Variants in PCDHA1 observed in about 807,000 individuals in gnomAD.
PCDHA1 encodes the protein protocadherin alpha 1.
A neutral mutation model predicts 61.3 loss-of-function variants in PCDHA1; 42 were observed. That is an observed-to-expected ratio of 0.69 (90% CI 0.54 to 0.89). PCDHA1 has a LOEUF of 0.89. PCDHA1 is among the 40% of genes least tolerant of loss of function. The probability of loss-of-function intolerance (pLI) is 0.00; values close to 1 mark genes in which losing one functional copy is unlikely to be tolerated. For synonymous variants in PCDHA1, 610 were observed against 553.8 expected (o/e 1.10, Z -1.43); for missense variants, 1,256 against 1,235.3 (o/e 1.02, Z -0.25).
intron 1 of PCDHA1, chr5:140,868,993 T>C (rs1441909187): frequency 1.3e-6 from 2 of 1,515,702 alleles, no homozygotes; most frequent in Non-Finnish European, 8.8e-7. Context: ...TGCCACCGTT[T>C]AAGGATCCTT....
intron 1 of PCDHA1, among the ~76,000 whole-genome samples, chr5:140,942,347 G>T (rs2093273719): frequency 6.6e-6 from 1 of 151,956 alleles, no homozygotes; most frequent in Non-Finnish European, 1.5e-5. Flanking sequence ...GGGAGGCGGA[G>T]GTTGCAGTTA....
intron 1 of PCDHA1, chr5:140,835,697 T>G (rs2150242231): frequency 1.6e-5 from 26 of 1,613,776 alleles, no homozygotes; most frequent in African/African-American, 6.7e-5. Flanking sequence ...TGTGGGCCAC[T>G]GCTAGCGTGT....
chr5:140,923,275 CA>C (rs1328074482), intron 1 of PCDHA1, among the ~76,000 whole-genome samples: 2 of 152,128 alleles, frequency 1.3e-5, no homozygotes, highest in Admixed American at 1.3e-4. Context: ...CTTGTCTCTA[CA>C]AAAAATTAAA....
rs2095730579 is a variant in PCDHA1 at position 140,963,035 on chromosome 5, T to C, written c.2395-15914T>C. Among the ~76,000 whole-genome samples, 3 of 152,330 alleles carry C rather than the reference T, an allele frequency of 2.0e-5. No individual in the cohort carries two copies. The South Asian group carries it at 6.2e-4, about 32-fold the overall frequency. On this transcript the variant is annotated intron_variant, in intron 1 of 3. Transcript: ENST00000504120. ...AAGAAAATGAAGCAATTAACATTTA[T>C]TGAGAGTCTATAAGGGTTTCTACAT...
rs1299292999 is a variant in PCDHA1, at chr5:140,940,635, T to G, written c.2395-38314T>G. Among the ~76,000 whole-genome samples the G allele has an allele frequency of 5.3e-5, 8 of 152,214 alleles. 1 individual carries two copies. The highest frequency in any genetic ancestry group is 5.2e-4 in the Admixed American group (8 of 15,286). On this transcript the variant is annotated intron_variant, in intron 1 of 3. Coordinates refer to ENST00000504120, the MANE Select transcript of PCDHA1 (RefSeq NM_018900.4). ...GCTCCTGCAAATATTCTTAAGCTTG[T>G]CATTTATTTATTTAAATATATTAAA...
At chr5:140,955,684 G>A (rs1231376434) in intron 1 of PCDHA1, among the ~76,000 whole-genome samples, 2 of 152,156 alleles carry the variant, frequency 1.3e-5, no homozygotes, top group African/African-American at 4.8e-5. Flanking sequence ...TTCGAAATCT[G>A]TGATGAATGT....
At chr5:140,836,108 C>T (rs2150253026) in intron 1 of PCDHA1, 50 of 1,613,524 alleles carry the variant, frequency 3.1e-5, no homozygotes, top group Non-Finnish European at 4.0e-5. Flanking sequence ...GCACTGGTGG[C>T]GCAGTGAGAG....
chr5:140,813,251 C>T (rs1765253661), intron 1 of PCDHA1: 1 of 152,142 alleles, frequency 6.6e-6, no homozygotes, highest in African/African-American at 2.4e-5. Flanking sequence ...AAATCTCCTA[C>T]TACAGTCATT....
chr5:140,789,000 A>G (rs1244869413), intron 1 of PCDHA1: 2 of 393,792 alleles, frequency 5.1e-6, no homozygotes. Context: ...TAACAGTGAC[A>G]TATTCGGGGT....
chr5:140,955,698 T>C (rs1295764352), intron 1 of PCDHA1, among the ~76,000 whole-genome samples: 2 of 152,218 alleles, frequency 1.3e-5, no homozygotes, highest in South Asian at 2.1e-4. Context: ...TGAATGTCAA[T>C]GGAAGTTTAA....
intron 1 of PCDHA1, among the ~76,000 whole-genome samples, chr5:140,837,878 C>T (rs1554136685): frequency 6.6e-6 from 1 of 151,624 alleles, no homozygotes; most frequent in Non-Finnish European, 1.5e-5. Context: ...AGGGTGGAGT[C>T]TTGTTTCCCA....
intron 1 of PCDHA1, chr5:140,852,643 C>A: frequency 2.1e-6 from 2 of 958,796 alleles, no homozygotes; most frequent in Non-Finnish European, 2.5e-6. Context: ...TGTCATTAAA[C>A]CTATCTATAT....
At chr5:140,835,531 G>C (rs2150237714) in intron 1 of PCDHA1, 1 of 1,613,964 alleles carries the variant, frequency 6.2e-7, no homozygotes, top group Admixed American at 1.7e-5. Flanking sequence ...GGAGTCAACG[G>C]ACAGGTTACC....
chr5:140,828,388 C>G (rs2150154802), intron 1 of PCDHA1: 3 of 1,614,274 alleles, frequency 1.9e-6, no homozygotes, highest in Non-Finnish European at 2.5e-6. Flanking sequence ...GCGGGCGGAG[C>G]GCGGAGTGCA....
intron 1 of PCDHA1, chr5:140,850,894 G>A (rs1554145013): frequency 6.3e-7 from 1 of 1,575,006 alleles, no homozygotes; most frequent in African/African-American, 1.4e-5. Context: ...GGGAAGGTGG[G>A]TTTTTCTAGC....
At chr5:140,797,038 A>G (rs782231259) in intron 1 of PCDHA1, 1 of 1,613,710 alleles carries the variant, frequency 6.2e-7, no homozygotes, top group South Asian at 1.1e-5. Flanking sequence ...CTCAGAGGCT[A>G]CGCTGGTGGA....
intron 1 of PCDHA1, chr5:140,802,649 G>T (rs566393892): frequency 7.4e-6 from 12 of 1,613,680 alleles, no homozygotes; most frequent in African/African-American, 1.3e-5. Context: ...ACGCGGACGC[G>T]CAGGAGAACG....
chr5:140,844,390 A>G (rs1233880656), intron 1 of PCDHA1, among the ~76,000 whole-genome samples: 1 of 149,636 alleles, frequency 6.7e-6, no homozygotes, highest in Non-Finnish European at 1.5e-5. Flanking sequence ...TTCATTATTT[A>G]GACCATTTTA....
In PCDHA1 at chr5:140,787,886, G is replaced by A. The variant is rs1761410193; in HGVS notation, c.1596G>A (p.Gln532=). 4 of 1,613,490 alleles carry A rather than the reference G, an allele frequency of 2.5e-6. No homozygotes were observed. The highest frequency in any genetic ancestry group is 3.4e-6 in the Non-Finnish European group (4 of 1,179,876). The part of the protein sequence containing the change: ...PLDHEELELL[Q]FQVSARDAGV... Reference sequence around the variant, plus strand: ...ACCACGAGGAGCTGGAGCTGCTGCAGTTCCAGGTGAGCGCGCGGGATGCGG... The same window carrying A: ...ACCACGAGGAGCTGGAGCTGCTGCAATTCCAGGTGAGCGCGCGGGATGCGG... Residue 532 remains glutamine (Q), a synonymous_variant, in exon 1 of 4, where the codon CAG becomes CAA. Coordinates refer to ENST00000504120, the MANE Select transcript of PCDHA1 (RefSeq NM_018900.4).
Sources: gnomAD v4.1 joint callset for allele counts (sites outside exome capture counted in the v4.1 genomes callset) on GRCh38, gnomAD v4.1.1 for gene constraint, MANE v1.5 for transcripts, NCBI Gene and HGNC (gene_info 2026-07-23, HGNC 2026-07-21) for gene names.